KMT2D: variants seen among roughly 807,000 people sequenced by gnomAD.
The protein encoded by KMT2D is lysine methyltransferase 2D.
KMT2D carries 55 observed loss-of-function variants against 512.7 expected under a neutral mutation model. The observed-to-expected ratio is 0.11, with a 90% CI of 0.09 to 0.13. The LOEUF (loss-of-function observed/expected upper bound fraction) is 0.13, where lower values mean the gene tolerates loss of function less well. Ranked by LOEUF, KMT2D falls within the 10% of genes least tolerant of loss-of-function variation. KMT2D has a pLI of 1.00. For missense variants in KMT2D, 6,061 were observed against 7,127.9 expected (o/e 0.85, Z 5.39); for synonymous variants, 2,995 against 2,904.0 (o/e 1.03, Z -1.01).
chr12:49,053,408 G>A (rs961954950), intron 7 of KMT2D, 68 bp downstream of exon 7: 163 of 1,606,502 alleles, frequency 1.0e-4, no homozygotes, highest in Non-Finnish European at 1.3e-4. Flanking sequence ...GGCCTTCTCC[G>A]ACTGCCCTCA....
chr12:49,029,855 C>T (rs1942811704), intron 43 of KMT2D, among the ~76,000 whole-genome samples: 1 of 152,058 alleles, frequency 6.6e-6, no homozygotes. Flanking sequence ...TTTGTTTAGT[C>T]ATTTAATAAC....
chr12:49,029,240 G>C lies in KMT2D; in HGVS notation c.14076-4C>G, dbSNP rs1942763634. 6.2e-7 allele frequency: 1 copy of C among 1,609,240 alleles called. No individual in the cohort carries two copies. The highest frequency in any genetic ancestry group is 8.5e-7 in the Non-Finnish European group (1 of 1,176,016). ...GCTATCCTCATCACTCTCCATCCTG[G>C]GGACCAAAAGTAGACATTTGTTGCT... On this transcript the variant is annotated splice_polypyrimidine_tract_variant and splice_region_variant and intron_variant, in intron 44 of 54. Coordinates refer to ENST00000301067, the MANE Select transcript of KMT2D (RefSeq NM_003482.4).
Position 49,044,359 on chromosome 12 carries a change from C to T in KMT2D, c.5083+44G>A, listed in dbSNP as rs2120582186. ...GCCGCTGGGGGACCTATTGAGCTGCCCCGCACCACCCCACCACCCCACAAC... is the reference window on the plus strand; with the variant it reads ...GCCGCTGGGGGACCTATTGAGCTGCTCCGCACCACCCCACCACCCCACAAC... On this transcript the variant is annotated intron_variant, in intron 21 of 54. Transcript: ENST00000301067. This position sits in a 1 kb window ranked among gnomAD's most constrained non-coding sequence, Gnocchi z 6.4. 1 of 1,613,632 alleles carries T rather than the reference C, an allele frequency of 6.2e-7. No individual in the cohort carries two copies. The highest frequency in any genetic ancestry group is 1.1e-5 in the South Asian group (1 of 91,058).
chr12:49,044,687 C>T lies in KMT2D; in HGVS notation c.4963+57G>A, dbSNP rs2120586226. The T allele has an allele frequency of 6.4e-7, 1 of 1,573,254 alleles. No individual in the cohort carries two copies. The highest frequency in any genetic ancestry group is 1.1e-5 in the South Asian group (1 of 89,052). On this transcript the variant is annotated intron_variant, in intron 20 of 54. Coordinates refer to ENST00000301067, the MANE Select transcript of KMT2D (RefSeq NM_003482.4). The surrounding 1 kb of genome is among the most constrained non-coding windows in gnomAD (Gnocchi z 6.4). The stretch of plus-strand genomic sequence containing the variant: ...GCAATGTAGCCCCCACCCAACATCC[C>T]ACTCCCAGAGTCACGCTCCCCCTAC...
intron 24 of KMT2D, 97 bp from the exon 25 acceptor site, chr12:49,043,525 C>T: frequency 6.3e-7 from 1 of 1,588,784 alleles, no homozygotes; most frequent in Non-Finnish European, 8.6e-7. Context: ...GGACCCTTGA[C>T]CCCACCCTTG....
chr12:49,023,482 C>G (rs1942427437), intron 51 of KMT2D, among the ~76,000 whole-genome samples: 1 of 152,224 alleles, frequency 6.6e-6, no homozygotes, highest in Non-Finnish European at 1.5e-5. Context: ...TGACGGCTGC[C>G]TGGCAGGATG....
chr12:49,044,070 T>C lies in KMT2D; in HGVS notation c.5189-72A>G, dbSNP rs2120578041. On this transcript the variant is annotated intron_variant, in intron 22 of 54. Transcript: ENST00000301067. This position sits in a 1 kb window ranked among gnomAD's most constrained non-coding sequence, Gnocchi z 6.4. ...TCCCAACTTGCAGGGTGACACTTTGTGCCTACTCTCTCCCACAACACCAGC... is the reference window on the plus strand; with the variant it reads ...TCCCAACTTGCAGGGTGACACTTTGCGCCTACTCTCTCCCACAACACCAGC... 2.5e-6 allele frequency: 4 copies of C among 1,602,912 alleles called. No individual in the cohort carries two copies. The South Asian group carries it at 4.4e-5, about 18-fold the overall frequency.
rs781778611 is a variant in KMT2D, at chr12:49,038,071, G to C, written c.9285C>G (p.Gly3095=). The C allele has an allele frequency of 1.9e-6, 3 of 1,613,348 alleles. No individual in the cohort carries two copies. The East Asian group carries it at 6.7e-5, about 36-fold the overall frequency. The change falls in exon 35 of 55, where the codon GGC becomes GGG. Residue 3095 remains glycine, a synonymous_variant. Transcript: ENST00000301067. This position sits in a 1 kb window ranked among gnomAD's most constrained non-coding sequence, Gnocchi z 5.7. Reference sequence around the variant, plus strand: ...CAGCAGGGGGAGGGCGCTCCTCAGGGCCCAAGGGTCCTGGCTCCACCCCCC... The same window carrying C: ...CAGCAGGGGGAGGGCGCTCCTCAGGCCCCAAGGGTCCTGGCTCCACCCCCC... ...LLRGVEPGPL[G]PEERPPPAAD... is the part of the protein sequence containing the mutation.
Position 49,046,927 on chromosome 12 carries a change from C to T in KMT2D, c.4237-137G>A. ...ATGGCGCGATCTCGGCTCACTGCAACCTCTGCCTCTCAGGTACAAGTGATT... is the reference window on the plus strand; with the variant it reads ...ATGGCGCGATCTCGGCTCACTGCAATCTCTGCCTCTCAGGTACAAGTGATT... On this transcript the variant is annotated intron_variant, in intron 15 of 54. Coordinates refer to ENST00000301067, the MANE Select transcript of KMT2D (RefSeq NM_003482.4). The surrounding 1 kb of genome is among the most constrained non-coding windows in gnomAD (Gnocchi z 4.2). The T allele has an allele frequency of 1.4e-6, 1 of 702,196 alleles. No homozygotes were observed. The highest frequency in any genetic ancestry group is 2.8e-5 in the East Asian group (1 of 35,498). 43.5% of individuals were successfully genotyped at this position (702,196 alleles called of 1,614,324 possible). A position where few individuals can be genotyped will look rare whatever the true frequency, so the allele number is the denominator to read the frequency against.
Position 49,031,980 on chromosome 12 carries a change from G to C in KMT2D, c.12725C>G (p.Pro4242Arg). The C allele has an allele frequency of 6.3e-7, 1 of 1,579,130 alleles. No individual in the cohort carries two copies. Among genetic ancestry groups the C allele is most frequent in the East Asian group, 2.2e-5 (1 of 44,496 alleles). The part of the protein sequence containing the change: ...QQSQAVRQTP[P>R]YQEPGTQTSP... Reference sequence around the variant, plus strand: ...GGTCTGGGTCCCAGGCTCCTGGTAGGGTGGGGTCTGGCGTACTGCCTGACT... The same window carrying C: ...GGTCTGGGTCCCAGGCTCCTGGTAGCGTGGGGTCTGGCGTACTGCCTGACT... The change falls in exon 40 of 55, where the codon CCC becomes CGC. Residue 4242 changes from proline (P) to arginine (R), a missense_variant. Physicochemically the swap from Pro to Arg is moderately radical, Grantham distance 103 (BLOSUM62 -2). Coordinates refer to ENST00000301067, the MANE Select transcript of KMT2D (RefSeq NM_003482.4).
chr12:49,056,358 G>A (rs1486643067), intron 1 of KMT2D, among the ~76,000 whole-genome samples: 1 of 152,030 alleles, frequency 6.6e-6, no homozygotes, highest in East Asian at 1.9e-4. Flanking sequence ...CTGTATCAGA[G>A]CCAAATGAAA....
In KMT2D at chr12:49,053,289, C is replaced by A; in HGVS notation, c.872G>T (p.Cys291Phe). 1 of 1,614,010 alleles carries A rather than the reference C, an allele frequency of 6.2e-7. No homozygotes were observed. Reference sequence around the variant, plus strand: ...ATGGTATCCTTTGTCACACGTCTCACAAACCAACATCTTAGAGTCATTCCC... The same window carrying A: ...ATGGTATCCTTTGTCACACGTCTCAAAAACCAACATCTTAGAGTCATTCCC... ...KPGNDSKMLV[C>F]ETCDKGYHTF... Residue 291 changes from cysteine (C) to phenylalanine (F), a missense_variant, in exon 8 of 55, where the codon TGT (cysteine) becomes TTT (phenylalanine). Coordinates refer to ENST00000301067, the MANE Select transcript of KMT2D (RefSeq NM_003482.4).
At position 49,042,604 on chromosome 12, in the gene KMT2D, C is replaced by T. The variant is rs753176047; in HGVS notation, c.5824G>A (p.Asp1942Asn). The part of the protein sequence containing the change: ...LGNLPSSSPM[D>N]SYPGLCQSPF... ...GACTGGCAGAGGCCTGGGTAGGAGT[C>T]CATTGGGCTGCTGGAGGGCAGATTG... Residue 1942 changes from aspartate (D) to asparagine (N), a missense_variant, in exon 28 of 55, where the codon GAC becomes AAC. Physicochemically the swap from Asp to Asn is conservative, Grantham distance 23 (BLOSUM62 1). This residue lies in a region of KMT2D where 640 missense variants were observed against 814.3 expected (regional missense o/e 0.79). Coordinates refer to ENST00000301067, the MANE Select transcript of KMT2D (RefSeq NM_003482.4). This position sits in a 1 kb window ranked among gnomAD's most constrained non-coding sequence, Gnocchi z 4.4. The T allele has an allele frequency of 6.2e-7, 1 of 1,613,698 alleles. No individual in the cohort carries two copies. Among genetic ancestry groups the T allele is most frequent in the Non-Finnish European group, 8.5e-7 (1 of 1,179,792 alleles).
rs758230545 is a variant in KMT2D, at chr12:49,040,745, C to T, written c.7025G>A (p.Ser2342Asn). 2 of 1,613,450 alleles carry T rather than the reference C, an allele frequency of 1.2e-6. No homozygotes were observed. The highest frequency in any genetic ancestry group is 1.7e-5 in the Admixed American group (1 of 60,000). ...TPRASQVEPQ[S>N]PGLGLRPQEP... ...CTGGGGCCTTAGGCCCAAGCCCGGG[C>T]TCTGGGGCTCTACCTGAGATGCCCG... Residue 2342 changes from serine (S) to asparagine (N), a missense_variant, in exon 32 of 55, where the codon AGC becomes AAC. Ser to Asn is a conservative substitution (Grantham distance 46). This residue lies in a region of KMT2D where 710 missense variants were observed against 647.3 expected (regional missense o/e 1.10). Transcript: ENST00000301067.
intron 35 of KMT2D, among the ~76,000 whole-genome samples, chr12:49,036,729 A>C (rs1465145159): frequency 6.6e-6 from 1 of 151,960 alleles, no homozygotes; most frequent in East Asian, 1.9e-4. Flanking sequence ...TGAACTCCTG[A>C]TCTTAAGTGA....
At position 49,048,040 on chromosome 12, in the gene KMT2D, G is replaced by A. The variant is rs769720754; in HGVS notation, c.4161C>T (p.Gly1387=). Residue 1387 remains glycine (G), a synonymous_variant, in exon 15 of 55, where the codon GGC becomes GGT. Transcript: ENST00000301067. ...CAAGGAGGTGGCCCTCTGCCCCCCG[G>A]CCAAAGCTGCCACATACCACACACA... is the stretch of plus-strand genomic sequence containing the variant. ...QDMCVVCGSF[G]RGAEGHLLAC... is the part of the protein sequence containing the mutation. 6.2e-7 allele frequency: 1 copy of A among 1,608,496 alleles called. No individual in the cohort carries two copies. The highest frequency in any genetic ancestry group is 8.5e-7 in the Non-Finnish European group (1 of 1,175,334).
rs770735103 is a variant in KMT2D, at chr12:49,030,632, C to T, written c.13808G>A (p.Gly4603Asp). 1.9e-6 allele frequency: 3 copies of T among 1,601,318 alleles called. No homozygotes were observed. In the South Asian group the frequency reaches 3.3e-5, roughly 18 times the overall value. ...GAFGSGALPT[G>D]PDYYSQLLTK... ...AAGCAGCTGGGAATAGTAGTCAGGG[C>T]CAGTGGGCAGCGCCCCACTTCCAAA... The change falls in exon 42 of 55, where the codon GGC (glycine) becomes GAC (aspartate). Residue 4603 changes from glycine to aspartate, a missense_variant. Around this residue, in one of 16 missense-constraint regions of KMT2D, gnomAD observed 1,600 missense variants for 1,754.9 expected, o/e 0.91. Coordinates refer to ENST00000301067, the MANE Select transcript of KMT2D (RefSeq NM_003482.4).
rs765159770 is a variant in KMT2D, at chr12:49,027,897, G to C, written c.14549C>G (p.Pro4850Arg). Residue 4850 changes from proline to arginine, a missense_variant, in exon 48 of 55, where the codon CCA becomes CGA. Coordinates refer to ENST00000301067, the MANE Select transcript of KMT2D (RefSeq NM_003482.4). ...GKEKGLEGKS[P>R]DTGPDWLKQF... ...CTTCAGCCAATCAGGGCCAGTGTCT[G>C]GGCTCTTGCCTTCCAGACCCTTTTC... 15 of 1,613,552 alleles carry C rather than the reference G, an allele frequency of 9.3e-6. No homozygotes were observed. In the South Asian group the frequency reaches 1.4e-4, roughly 15 times the overall value.
chr12:49,030,577 A>G, intron 42 of KMT2D, 24 bp downstream of exon 42: 1 of 1,540,012 alleles, frequency 6.5e-7, no homozygotes, highest in South Asian at 1.3e-5. Flanking sequence ...CACTATTCCC[A>G]AAAAATATTG....
Sources: allele counts gnomAD v4.1 joint callset (sites outside exome capture counted in the v4.1 genomes callset), GRCh38; gene constraint gnomAD v4.1.1; regional missense constraint gnomAD v4.1.1; non-coding constraint Gnocchi (gnomAD v3.1); transcripts MANE v1.5; gene names NCBI Gene and HGNC (gene_info 2026-07-23, HGNC 2026-07-21).